Variants in ALK observed in about 807,000 individuals in gnomAD.
ALK encodes the protein ALK receptor tyrosine kinase.
A neutral mutation model predicts 163.1 loss-of-function variants in ALK; 74 were observed. The observed-to-expected ratio is 0.45, with a 90% CI of 0.38 to 0.55. ALK has a LOEUF of 0.55. Among genes scored for constraint, ALK ranks in the 20% least tolerant of loss-of-function variants. The probability of loss-of-function intolerance (pLI) is 0.00; values close to 1 mark genes in which losing one functional copy is unlikely to be tolerated. For synonymous variants in ALK, 960 were observed against 843.2 expected (o/e 1.14, Z -2.40); for missense variants, 2,063 against 2,105.3 (o/e 0.98, Z 0.39).
chr2:29,595,562 C>T (rs961348342), intron 3 of ALK, among the ~76,000 whole-genome samples: 1 of 152,050 alleles, frequency 6.6e-6, no homozygotes, highest in African/African-American at 2.4e-5. Flanking sequence ...CCTCATGATC[C>T]GCCCGCCTCG....
rs76630156 is a variant in ALK, at chr2:29,233,519, G to A, written c.2487+46C>T. The A allele has an allele frequency of 0.076, 123,285 of 1,613,366 alleles. 5,283 individuals are homozygous for A. Among genetic ancestry groups the A allele is most frequent in the Non-Finnish European group, 0.089 (105,190 of 1,179,668 alleles). The stretch of plus-strand genomic sequence containing the variant: ...AGGGCTGTCATGAGGCTCTGACATT[G>A]CAGATGCACAGGAACCTGGTGGAAA... On this transcript the variant is annotated intron_variant, in intron 14 of 28. Transcript: ENST00000389048.
At chr2:29,610,435 G>A (rs189161279) in intron 3 of ALK, among the ~76,000 whole-genome samples, 7 of 152,226 alleles carry the variant, frequency 4.6e-5, no homozygotes, top group African/African-American at 1.7e-4. Flanking sequence ...CATTTAAAGG[G>A]TTTCATTCGT....
chr2:29,225,341 C>T (rs2148175984), intron 19 of ALK, 120 bp downstream of exon 19: 1 of 952,018 alleles, frequency 1.1e-6, no homozygotes, highest in Admixed American at 2.0e-5. Flanking sequence ...ATCACCACCC[C>T]ACCCAATTCC....
chr2:29,396,704 A>C (rs990839682), intron 4 of ALK, among the ~76,000 whole-genome samples: 16 of 151,588 alleles, frequency 1.1e-4, no homozygotes, highest in African/African-American at 2.4e-4. Flanking sequence ...AACAAAAAAA[A>C]CCCTCAAACA....
chr2:29,202,150 T>C (rs1036964797), intron 26 of ALK, among the ~76,000 whole-genome samples: 4 of 152,182 alleles, frequency 2.6e-5, no homozygotes, highest in South Asian at 2.1e-4. Context: ...GCAAGCAAGC[T>C]AGGCTCCTTC....
intron 4 of ALK, among the ~76,000 whole-genome samples, chr2:29,453,828 C>G (rs1450346055): frequency 6.6e-6 from 1 of 152,124 alleles, no homozygotes; most frequent in Non-Finnish European, 1.5e-5. Context: ...TGAAACAGAA[C>G]AGGCCTGTTA....
intron 1 of ALK, among the ~76,000 whole-genome samples, chr2:29,768,396 C>A (rs2148342260): frequency 6.6e-6 from 1 of 152,266 alleles, no homozygotes; most frequent in South Asian, 2.1e-4. Flanking sequence ...AGTATACTTT[C>A]TTGGTATAAA....
At chr2:29,611,262 G>A (rs1383022852) in intron 3 of ALK, among the ~76,000 whole-genome samples, 1 of 152,156 alleles carries the variant, frequency 6.6e-6, no homozygotes, top group East Asian at 1.9e-4. Flanking sequence ...AAAGGGAAAG[G>A]AGGCTACAGA....
At chr2:29,369,395 G>A (rs1668589494) in intron 5 of ALK, among the ~76,000 whole-genome samples, 1 of 152,118 alleles carries the variant, frequency 6.6e-6, no homozygotes, top group Admixed American at 6.5e-5. Context: ...ATAGCAGAAG[G>A]GGAAAGGGAA....
At chr2:29,860,046 G>T (rs1040869014) in intron 1 of ALK, among the ~76,000 whole-genome samples, 5 of 152,150 alleles carry the variant, frequency 3.3e-5, no homozygotes, top group Non-Finnish European at 7.3e-5. Flanking sequence ...CCCATGAGAG[G>T]GAAGGGGAGA....
intron 2 of ALK, among the ~76,000 whole-genome samples, chr2:29,710,703 G>T (rs764295221): frequency 2.0e-5 from 3 of 152,110 alleles, no homozygotes; most frequent in Non-Finnish European, 4.4e-5. Flanking sequence ...GTAGAGACAG[G>T]GTTTCACCAT....
At chr2:29,347,442 G>A (rs1667984395) in intron 5 of ALK, among the ~76,000 whole-genome samples, 1 of 152,172 alleles carries the variant, frequency 6.6e-6, no homozygotes, top group Admixed American at 6.5e-5. Flanking sequence ...GGATGGGGTG[G>A]GGTGTGAATG....
intron 3 of ALK, among the ~76,000 whole-genome samples, chr2:29,571,425 C>A (rs1674365578): frequency 6.6e-6 from 1 of 152,044 alleles, no homozygotes; most frequent in Non-Finnish European, 1.5e-5. Context: ...AGTGAGTTCT[C>A]ACAAGATCTG....
chr2:29,921,532 G>A lies in ALK; in HGVS notation c.-873C>T, dbSNP rs1266757708. On this transcript the variant is annotated 5_prime_UTR_variant, in exon 1 of 29. Transcript: ENST00000389048. Reference sequence around the variant, plus strand: ...CCGCGACCCTCCGAACAGAGGCGGCGGGAGGTACCAGCTGCTACCACCGCT... The same window carrying A: ...CCGCGACCCTCCGAACAGAGGCGGCAGGAGGTACCAGCTGCTACCACCGCT... The A allele has an allele frequency of 4.3e-6, 1 of 231,764 alleles. No individual in the cohort carries two copies. The highest frequency in any genetic ancestry group is 8.5e-6 in the Non-Finnish European group (1 of 117,078). The allele number at this position is 231,764 out of a possible 1,614,324, so 14.4% of individuals were successfully genotyped here.
At chr2:29,407,506 G>A (rs1669614081) in intron 4 of ALK, among the ~76,000 whole-genome samples, 1 of 152,238 alleles carries the variant, frequency 6.6e-6, no homozygotes, top group Non-Finnish European at 1.5e-5. Flanking sequence ...CGTAATAGAG[G>A]CTGAGTTTGA....
chr2:29,240,098 A>G (rs1664483603), intron 12 of ALK, among the ~76,000 whole-genome samples: 1 of 149,394 alleles, frequency 6.7e-6, no homozygotes, highest in Non-Finnish European at 1.5e-5. Flanking sequence ...GGAAAAGGGC[A>G]GGGAGGAGGG....
intron 4 of ALK, among the ~76,000 whole-genome samples, chr2:29,456,078 G>A (rs62131807): frequency 0.27 from 40,561 of 152,098 alleles, 6,142 homozygotes; most frequent in Non-Finnish European, 0.34. Context: ...TAGTGAGTGG[G>A]TAAGGTGGAG....
At chr2:29,237,914 A>G (rs1664424026) in intron 13 of ALK, among the ~76,000 whole-genome samples, 1 of 152,218 alleles carries the variant, frequency 6.6e-6, no homozygotes, top group Non-Finnish European at 1.5e-5. Flanking sequence ...GCCACAAAGA[A>G]TTACCTGCTC....
chr2:29,830,347 C>G (rs1416580504), intron 1 of ALK, among the ~76,000 whole-genome samples: 1 of 152,058 alleles, frequency 6.6e-6, no homozygotes, highest in African/African-American at 2.4e-5. Flanking sequence ...GGTCAATTTC[C>G]AGGACCTGGG....
Sources: gnomAD v4.1 joint callset for allele counts (sites outside exome capture counted in the v4.1 genomes callset) on GRCh38, gnomAD v4.1.1 for gene constraint, MANE v1.5 for transcripts, NCBI Gene and HGNC (gene_info 2026-07-23, HGNC 2026-07-21) for gene names.